Variants in GRM8 observed in about 807,000 individuals in gnomAD.
GRM8 encodes glutamate metabotropic receptor 8.
A neutral mutation model predicts 87.2 loss-of-function variants in GRM8; 47 were observed. That is an observed-to-expected ratio of 0.54 (90% CI 0.43 to 0.69). The LOEUF is 0.69. Among genes scored for constraint, GRM8 ranks in the 30% least tolerant of loss-of-function variants. GRM8 has a pLI of 0.00. For synonymous variants in GRM8, 396 were observed against 404.5 expected (o/e 0.98, Z 0.25); for missense variants, 1,019 against 1,139.2 (o/e 0.89, Z 1.52).
chr7:127,218,893 G>C (rs1435327688), intron 2 of GRM8, among the ~76,000 whole-genome samples: 2 of 152,122 alleles, frequency 1.3e-5, no homozygotes, highest in African/African-American at 4.8e-5. Context: ...GCCTCCTAAT[G>C]GTTCTGTCTG....
intron 7 of GRM8, among the ~76,000 whole-genome samples, chr7:126,615,658 C>G (rs527818419): frequency 4.0e-5 from 6 of 151,590 alleles, no homozygotes; most frequent in South Asian, 2.1e-4. Flanking sequence ...CACATAGGCT[C>G]AAAATAAAGG....
chr7:126,724,759 C>CA (rs34920309), intron 7 of GRM8, among the ~76,000 whole-genome samples: 2,103 of 121,668 alleles, frequency 0.017, 18 homozygotes, highest in Middle Eastern at 0.027. Context: ...AAACTATTTG[C>CA]AAAAAAAAAA....
chr7:127,138,192 T>G (rs1252497228), intron 2 of GRM8, among the ~76,000 whole-genome samples: 1 of 152,160 alleles, frequency 6.6e-6, no homozygotes, highest in Non-Finnish European at 1.5e-5. Context: ...CTTGCTTCAA[T>G]CTACCTCTTC....
At chr7:126,727,701 TCATA>T (rs1463408055) in intron 7 of GRM8, among the ~76,000 whole-genome samples, 1 of 113,334 alleles carries the variant, frequency 8.8e-6, no homozygotes, top group East Asian at 2.4e-4. Flanking sequence ...TCATCTGAAA[TCATA>T]CACACACACA....
In GRM8 at chr7:126,653,101, A is replaced by G. The variant is rs1224485957; in HGVS notation, c.1358-43603T>C. 2.0e-5 allele frequency among the ~76,000 whole-genome samples: 3 copies of G among 152,236 alleles called. No homozygotes were observed. In the East Asian group the frequency reaches 5.8e-4, roughly 29 times the overall value. ...GAATCAAAAGAGTTCAAAAATGGCC[A>G]AAACCAGCCAGGCAAGATAGTGAGA... On this transcript the variant is annotated intron_variant, in intron 7 of 10. Transcript: ENST00000339582.
At position 126,902,572 on chromosome 7, in the gene GRM8, TC is replaced by T. The variant is rs1400787478; in HGVS notation, c.1125del (p.Arg377GlyfsTer5). On this transcript the variant is annotated frameshift_variant, in exon 6 of 11. Coordinates refer to ENST00000339582, the MANE Select transcript of GRM8 (RefSeq NM_000845.3). LOFTEE classifies it high-confidence loss of function. ...CATTTCTTTATATGACTGTTCCTTT[TC>T]CCATGTGATCCTAACTTGCAGCCAA... ...ENFGCKLGSH[G>X]KRNSHIKKCT... 1.2e-6 allele frequency: 2 copies of T among 1,608,342 alleles called. No homozygotes were observed. The highest frequency in any genetic ancestry group is 2.7e-5 in the African/African-American group (2 of 74,710).
intron 8 of GRM8, among the ~76,000 whole-genome samples, chr7:126,604,539 C>T (rs1001147687): frequency 2.0e-5 from 3 of 152,032 alleles, no homozygotes; most frequent in African/African-American, 4.8e-5. Flanking sequence ...ATGTACCAGT[C>T]AATGTTCTAG....
chr7:126,592,787 A>T (rs898955396), intron 8 of GRM8, among the ~76,000 whole-genome samples: 1 of 151,976 alleles, frequency 6.6e-6, no homozygotes, highest in Non-Finnish European at 1.5e-5. Flanking sequence ...TATTCAGTAC[A>T]TACTGGAGGT....
At chr7:126,592,315 A>G (rs906146454) in intron 8 of GRM8, among the ~76,000 whole-genome samples, 2 of 151,916 alleles carry the variant, frequency 1.3e-5, no homozygotes, top group Admixed American at 1.3e-4. Context: ...CCAGATAAAA[A>G]CACTACAAAA....
In GRM8 at chr7:127,169,860, T is replaced by C. The variant is rs532885456; in HGVS notation, c.511-63148A>G. ...GATTTACTGAAAATTTTAAGCCCACTGTTGAGACCTACTGCTCAGGAAAAC... is the reference window on the plus strand; with the variant it reads ...GATTTACTGAAAATTTTAAGCCCACCGTTGAGACCTACTGCTCAGGAAAAC... On this transcript the variant is annotated intron_variant, in intron 2 of 10. Transcript: ENST00000339582. Among the ~76,000 whole-genome samples, 21 of 152,318 alleles carry C rather than the reference T, an allele frequency of 1.4e-4. No individual in the cohort carries two copies. In the South Asian group the frequency reaches 3.7e-3, roughly 27 times the overall value.
At chr7:127,009,724 A>AT (rs528720165) in intron 3 of GRM8, among the ~76,000 whole-genome samples, 1,698 of 151,064 alleles carry the variant, frequency 0.011, 27 homozygotes, top group African/African-American at 0.038. Flanking sequence ...AAAAATCCAG[A>AT]TTTTTTTTTT....
At chr7:126,460,955 C>T (rs1407809891) in intron 9 of GRM8, among the ~76,000 whole-genome samples, 2 of 151,524 alleles carry the variant, frequency 1.3e-5, no homozygotes, top group Non-Finnish European at 3.0e-5. Context: ...AAGCCCTAGG[C>T]ATCTAAATCT....
intron 7 of GRM8, among the ~76,000 whole-genome samples, chr7:126,688,939 G>T (rs970295178): frequency 6.6e-6 from 1 of 152,096 alleles, no homozygotes; most frequent in Non-Finnish European, 1.5e-5. Flanking sequence ...TTATTCACCC[G>T]CAAAGGAGCA....
At chr7:127,243,830 C>T (rs1459172097) in intron 1 of GRM8, among the ~76,000 whole-genome samples, 3 of 148,710 alleles carry the variant, frequency 2.0e-5, no homozygotes, top group Non-Finnish European at 4.5e-5. Flanking sequence ...ACTGATGGCA[C>T]CATTTCTTTT....
At chr7:127,009,844 G>T (rs1484800081) in intron 3 of GRM8, among the ~76,000 whole-genome samples, 2 of 151,050 alleles carry the variant, frequency 1.3e-5, no homozygotes, top group Non-Finnish European at 2.9e-5. Context: ...GTATCTATAT[G>T]TCTTTTTTTT....
At chr7:126,971,992 T>C (rs1272970894) in intron 3 of GRM8, among the ~76,000 whole-genome samples, 1 of 152,164 alleles carries the variant, frequency 6.6e-6, no homozygotes, top group East Asian at 1.9e-4. Flanking sequence ...CACTAATAAG[T>C]GTGCACAATT....
intron 7 of GRM8, among the ~76,000 whole-genome samples, chr7:126,730,305 G>A (rs1328944842): frequency 6.6e-6 from 1 of 152,146 alleles, no homozygotes; most frequent in African/African-American, 2.4e-5. Flanking sequence ...AAGAAAAGAT[G>A]TGTATTTGTA....
chr7:126,664,244 A>G (rs1393292154), intron 7 of GRM8, among the ~76,000 whole-genome samples: 1 of 152,200 alleles, frequency 6.6e-6, no homozygotes, highest in Non-Finnish European at 1.5e-5. Context: ...TGCTATTCCT[A>G]TCAAATTATC....
intron 3 of GRM8, among the ~76,000 whole-genome samples, chr7:126,987,710 G>A (rs973945382): frequency 2.8e-4 from 43 of 152,028 alleles, no homozygotes; most frequent in African/African-American, 9.2e-4. Flanking sequence ...TGATTCGCCC[G>A]CCTCGGCCTC....
Sources: allele counts gnomAD v4.1 joint callset (sites outside exome capture counted in the v4.1 genomes callset), GRCh38; gene constraint gnomAD v4.1.1; transcripts MANE v1.5; gene names NCBI Gene and HGNC (gene_info 2026-07-23, HGNC 2026-07-21).